Variants in PHACTR3 observed in about 807,000 individuals in gnomAD.
PHACTR3 encodes protein phosphatase 1, regulatory subunit 123.
In PHACTR3, 16 loss-of-function variants were observed where a neutral mutation model predicts 66.8. The observed-to-expected ratio is 0.24, with a 90% CI of 0.16 to 0.36. The LOEUF (loss-of-function observed/expected upper bound fraction) is 0.36, where lower values mean the gene tolerates loss of function less well. Ranked by LOEUF, PHACTR3 falls within the 10% of genes least tolerant of loss-of-function variation. The pLI, the probability that PHACTR3 is intolerant of heterozygous loss-of-function variation, is 1.00. For missense variants in PHACTR3, 647 were observed against 719.9 expected (o/e 0.90, Z 1.16); for synonymous variants, 323 against 292.1 (o/e 1.11, Z -1.08).
chr20:59,740,606 T>G (rs1468756500), intron 1 of PHACTR3, among the ~76,000 whole-genome samples: 1 of 152,246 alleles, frequency 6.6e-6, no homozygotes, highest in Non-Finnish European at 1.5e-5. Context: ...TTCCCAGAAT[T>G]TATGACCACA....
chr20:59,638,331 GT>G (rs1369279006), intron 1 of PHACTR3, among the ~76,000 whole-genome samples: 1 of 152,142 alleles, frequency 6.6e-6, no homozygotes, highest in Non-Finnish European at 1.5e-5. Context: ...CTTATACACA[GT>G]AGAGTCTCCA....
intron 2 of PHACTR3, among the ~76,000 whole-genome samples, chr20:59,744,824 C>A (rs912635126): frequency 5.3e-5 from 8 of 152,326 alleles, no homozygotes; most frequent in East Asian, 3.9e-4. Flanking sequence ...CAGAGCTTTC[C>A]GCAGAGTAGG....
At position 59,604,912 on chromosome 20, in the gene PHACTR3, T is replaced by TTAA; in HGVS notation, c.-103_-102insTAA. 1 of 1,199,846 alleles carries TTAA rather than the reference T, an allele frequency of 8.3e-7. No homozygotes were observed. The highest frequency in any genetic ancestry group is 1.0e-6 in the Non-Finnish European group (1 of 967,368). 74.3% of individuals were successfully genotyped at this position (1,199,846 alleles called of 1,614,324 possible). ...TTTTTTTTTTTTTAATTTTCTTTTTTAAAAAGACGCCCCCTCCAGCCCCCT... is the reference window on the plus strand; with the variant it reads ...TTTTTTTTTTTTTAATTTTCTTTTTTTAAAAAAAGACGCCCCCTCCAGCCCCCT... On this transcript the variant is annotated 5_prime_UTR_variant, in exon 1 of 13. Coordinates refer to ENST00000371015, the MANE Select transcript of PHACTR3 (RefSeq NM_080672.5).
intron 1 of PHACTR3, among the ~76,000 whole-genome samples, chr20:59,596,718 CCT>C (rs1233172768): frequency 6.6e-6 from 1 of 152,168 alleles, no homozygotes; most frequent in Non-Finnish European, 1.5e-5. Flanking sequence ...TCAGCAAATT[CCT>C]CTGTGTCCTT....
intron 1 of PHACTR3, among the ~76,000 whole-genome samples, chr20:59,626,083 A>T (rs2146378333): frequency 6.6e-6 from 1 of 152,250 alleles, no homozygotes; most frequent in South Asian, 2.1e-4. Context: ...TATTATTTGC[A>T]ATCCTCTGCA....
At chr20:59,841,306 G>A (rs1173385206) in intron 10 of PHACTR3, 89 bp from the exon 11 acceptor site, 2 of 1,347,578 alleles carry the variant, frequency 1.5e-6, no homozygotes, top group African/African-American at 2.9e-5. Flanking sequence ...GTTTTGTTTT[G>A]TTTTTTAAGA....
intron 3 of PHACTR3, among the ~76,000 whole-genome samples, chr20:59,754,080 G>T (rs1364517241): frequency 2.6e-5 from 4 of 152,252 alleles, no homozygotes; most frequent in Non-Finnish European, 5.9e-5. Flanking sequence ...GTCCTGCAGG[G>T]CTATGTGGAG....
intron 1 of PHACTR3, among the ~76,000 whole-genome samples, chr20:59,722,435 C>T (rs377404301): frequency 7.9e-5 from 12 of 152,120 alleles, no homozygotes; most frequent in Admixed American, 3.9e-4. Flanking sequence ...AAACAGGGCA[C>T]GATCAGGGAC....
intron 8 of PHACTR3, among the ~76,000 whole-genome samples, chr20:59,827,970 C>A (rs2042243553): frequency 6.6e-6 from 1 of 152,186 alleles, no homozygotes; most frequent in Non-Finnish European, 1.5e-5. Context: ...GCAACTGGAG[C>A]TCCTGCTGTA....
intron 1 of PHACTR3, among the ~76,000 whole-genome samples, chr20:59,739,965 G>C (rs1460057457): frequency 6.6e-6 from 1 of 152,098 alleles, no homozygotes; most frequent in Non-Finnish European, 1.5e-5. Flanking sequence ...ATGGCTCAGG[G>C]CTCTGATCTT....
intron 1 of PHACTR3, among the ~76,000 whole-genome samples, chr20:59,680,442 G>A (rs1291383318): frequency 1.3e-5 from 2 of 152,128 alleles, no homozygotes; most frequent in Non-Finnish European, 2.9e-5. Context: ...ACAGTCTGGT[G>A]GTGGCAGACT....
chr20:59,658,558 G>A (rs923078306), intron 1 of PHACTR3, among the ~76,000 whole-genome samples: 2 of 152,118 alleles, frequency 1.3e-5, no homozygotes, highest in Non-Finnish European at 2.9e-5. Flanking sequence ...TTCTGACGCT[G>A]CAGCCTTGGG....
chr20:59,824,967 G>A (rs560075220), intron 8 of PHACTR3, among the ~76,000 whole-genome samples: 1 of 152,338 alleles, frequency 6.6e-6, no homozygotes, highest in Non-Finnish European at 1.5e-5. Context: ...CACAACAGCA[G>A]CCCAGTTCTA....
intron 3 of PHACTR3, among the ~76,000 whole-genome samples, chr20:59,752,388 C>T (rs187766594): frequency 3.9e-5 from 6 of 152,320 alleles, no homozygotes; most frequent in South Asian, 2.1e-4. Flanking sequence ...AGTGGCCGGG[C>T]GGAGGCTGGC....
rs988360499 is a variant in PHACTR3 at position 59,738,180 on chromosome 20, G to T, written c.119-4927G>T. Among the ~76,000 whole-genome samples, 5 of 152,084 alleles carry T rather than the reference G, an allele frequency of 3.3e-5. No homozygotes were observed. The highest frequency in any genetic ancestry group is 1.2e-4 in the African/African-American group (5 of 41,422). On this transcript the variant is annotated intron_variant, in intron 1 of 12. Transcript: ENST00000371015. This position sits in a 1 kb window ranked among gnomAD's most constrained non-coding sequence, Gnocchi z 4.4. ...GCAAGGCCCTGGCAAAGGGGATGCAGGGAGTCAATGCTTCAACCTCCTGTT... is the reference window on the plus strand; with the variant it reads ...GCAAGGCCCTGGCAAAGGGGATGCATGGAGTCAATGCTTCAACCTCCTGTT...
At chr20:59,668,952 C>T (rs575391481) in intron 1 of PHACTR3, among the ~76,000 whole-genome samples, 47 of 148,696 alleles carry the variant, frequency 3.2e-4, no homozygotes, top group Admixed American at 1.4e-4. Context: ...TTCACCATGT[C>T]GGCCAGGCTG....
At chr20:59,668,365 C>T (rs2036068964) in intron 1 of PHACTR3, among the ~76,000 whole-genome samples, 1 of 152,024 alleles carries the variant, frequency 6.6e-6, no homozygotes, top group Admixed American at 6.6e-5. Context: ...TAGAGGTGGG[C>T]ACGTACACCC....
At position 59,845,239 on chromosome 20, in the gene PHACTR3, A is replaced by G; in HGVS notation, c.1638A>G (p.Val546=). The change falls in exon 12 of 13, where the codon GTA becomes GTG. Residue 546 remains valine (V), a synonymous_variant. Coordinates refer to ENST00000371015, the MANE Select transcript of PHACTR3 (RefSeq NM_080672.5). ...AGTACAAAAGTAATGAAATGGAGGT[A>G]CATGCATCAAGCAAGCACTTGACAA... ...LNEYKSNEME[V]HASSKHLTRF... is the part of the protein sequence containing the mutation. 4.3e-6 allele frequency: 7 copies of G among 1,609,698 alleles called. No homozygotes were observed. Among genetic ancestry groups the G allele is most frequent in the Non-Finnish European group, 5.9e-6 (7 of 1,176,768 alleles).
At chr20:59,659,521 C>T (rs1167658624) in intron 1 of PHACTR3, among the ~76,000 whole-genome samples, 1 of 151,826 alleles carries the variant, frequency 6.6e-6, no homozygotes, top group African/African-American at 2.4e-5. Context: ...TACAGGCACG[C>T]ACCACCATGC....
Sources: allele counts gnomAD v4.1 joint callset (sites outside exome capture counted in the v4.1 genomes callset), GRCh38; gene constraint gnomAD v4.1.1; non-coding constraint Gnocchi (gnomAD v3.1); transcripts MANE v1.5; gene names NCBI Gene and HGNC (gene_info 2026-07-23, HGNC 2026-07-21).